The following TMPRSS7 variants were observed in gnomAD, a reference collection of about 807,000 sequenced individuals.
The protein encoded by TMPRSS7 is transmembrane serine protease 7, also known as transmembrane protease serine 7.
A neutral mutation model predicts 95.6 loss-of-function variants in TMPRSS7; 81 were observed. The ratio of observed to expected loss-of-function variants is 0.85; its 90% CI spans 0.71 to 1.02. TMPRSS7 has a LOEUF of 1.02. Among genes scored for constraint, TMPRSS7 ranks in the 50% least tolerant of loss-of-function variants. TMPRSS7 has a pLI of 0.00. For synonymous variants in TMPRSS7, 364 were observed against 337.8 expected (o/e 1.08, Z -0.85); for missense variants, 945 against 955.2 (o/e 0.99, Z 0.14).
chr3:112,051,692 T>TATC (rs1553763388), intron 9 of TMPRSS7, among the ~76,000 whole-genome samples: 1 of 151,790 alleles, frequency 6.6e-6, no homozygotes, highest in Admixed American at 6.6e-5. Flanking sequence ...TCTATCTATC[T>TATC]ATCTCTATTA....
At position 112,076,977 on chromosome 3, in the gene TMPRSS7, A is replaced by AC; in HGVS notation, c.2057_2058insC (p.Asn687Ter). 6.2e-7 allele frequency: 1 copy of AC among 1,614,186 alleles called. No homozygotes were observed. Among genetic ancestry groups the AC allele is most frequent in the Non-Finnish European group, 8.5e-7 (1 of 1,180,030 alleles). On this transcript the variant is annotated frameshift_variant, in exon 16 of 18. Transcript: ENST00000452346. LOFTEE classifies it high-confidence loss of function. ...AGAAGAATTGTGGTCCACGAGTACT[A>AC]TAACAGTCAGACTTTTGATTATGAT...
At chr3:112,081,032 G>C in exon 18 of TMPRSS7, 1 of 1,613,454 alleles carries the variant, frequency 6.2e-7, no homozygotes, top group South Asian at 1.1e-5. Flanking sequence ...GTTTACACAA[G>C]GGTGTCAAAC....
At chr3:112,071,042 G>A (rs1006566793) in intron 13 of TMPRSS7, among the ~76,000 whole-genome samples, 16 of 152,242 alleles carry the variant, frequency 1.1e-4, no homozygotes, top group East Asian at 7.7e-4. Flanking sequence ...TCATAGCATC[G>A]ATGACCTTTA....
intron 9 of TMPRSS7, among the ~76,000 whole-genome samples, chr3:112,055,823 C>T (rs747442632): frequency 7.9e-5 from 12 of 152,130 alleles, no homozygotes; most frequent in African/African-American, 1.9e-4. Flanking sequence ...GATGTGATTA[C>T]GTCAATTGTT....
chr3:112,068,834 C>G (rs61440289), intron 13 of TMPRSS7, among the ~76,000 whole-genome samples: 2 of 152,132 alleles, frequency 1.3e-5, no homozygotes, highest in African/African-American at 4.8e-5. Context: ...TGCCTGATTG[C>G]CCTGGCCAGA....
chr3:112,057,566 G>A (rs1178920380), intron 10 of TMPRSS7, among the ~76,000 whole-genome samples: 5 of 152,050 alleles, frequency 3.3e-5, no homozygotes, highest in Non-Finnish European at 7.4e-5. Context: ...GAAATCTAGG[G>A]GCTTAGGGCT....
At chr3:112,060,896 G>C (rs2073495647) in intron 10 of TMPRSS7, among the ~76,000 whole-genome samples, 1 of 152,160 alleles carries the variant, frequency 6.6e-6, no homozygotes, top group South Asian at 2.1e-4. Flanking sequence ...GTAAAGACAG[G>C]CATAAGAAAT....
chr3:112,068,839 G>C (rs946394227), intron 13 of TMPRSS7, among the ~76,000 whole-genome samples: 1 of 152,134 alleles, frequency 6.6e-6, no homozygotes, highest in African/African-American at 2.4e-5. Context: ...GATTGCCCTG[G>C]CCAGAACTTC....
intron 6 of TMPRSS7, 111 bp from the exon 7 acceptor site, chr3:112,047,628 T>C (rs562828591): frequency 1.9e-4 from 152 of 811,026 alleles, no homozygotes; most frequent in Non-Finnish European, 3.9e-5. Context: ...GCTGGCCATA[T>C]GTCCTTCACA....
chr3:112,079,790 A>G (rs1020057279), intron 17 of TMPRSS7, among the ~76,000 whole-genome samples: 2 of 152,222 alleles, frequency 1.3e-5, no homozygotes, highest in Middle Eastern at 3.2e-3. Context: ...GGTTCTTTAC[A>G]TAAATTCATT....
exon 7 of TMPRSS7, chr3:112,047,782 C>T (rs766760310): frequency 2.5e-6 from 4 of 1,614,048 alleles, no homozygotes; most frequent in Admixed American, 3.3e-5. Flanking sequence ...ATCTGTCTCT[C>T]CACTACCCGC....
At chr3:112,054,176 C>T (rs2073401601) in intron 9 of TMPRSS7, among the ~76,000 whole-genome samples, 1 of 152,180 alleles carries the variant, frequency 6.6e-6, no homozygotes, top group South Asian at 2.1e-4. Context: ...GTTGTGTACA[C>T]ACCACCACTG....
intron 10 of TMPRSS7, among the ~76,000 whole-genome samples, chr3:112,060,081 C>T (rs965108227): frequency 5.9e-5 from 9 of 152,152 alleles, no homozygotes; most frequent in Non-Finnish European, 8.8e-5. Context: ...TGGTAGATTC[C>T]GTGATGCCCC....
At chr3:112,067,730 GC>G (rs2073594218) in intron 13 of TMPRSS7, among the ~76,000 whole-genome samples, 1 of 152,152 alleles carries the variant, frequency 6.6e-6, no homozygotes, top group South Asian at 2.1e-4. Context: ...CTGGAGATTA[GC>G]CCTTTGTGAA....
At chr3:112,071,021 A>G (rs1053982889) in intron 13 of TMPRSS7, among the ~76,000 whole-genome samples, 13 of 152,160 alleles carry the variant, frequency 8.5e-5, no homozygotes, top group Admixed American at 3.3e-4. Context: ...CCGTTAGTTG[A>G]TGCAATTTCT....
chr3:112,051,270 A>C (rs1048693734), intron 9 of TMPRSS7, among the ~76,000 whole-genome samples: 2 of 152,114 alleles, frequency 1.3e-5, no homozygotes, highest in Non-Finnish European at 2.9e-5. Flanking sequence ...AAACAATACA[A>C]TATAACAACT....
At chr3:112,070,864 G>A (rs958985828) in intron 13 of TMPRSS7, among the ~76,000 whole-genome samples, 1 of 152,204 alleles carries the variant, frequency 6.6e-6, no homozygotes, top group African/African-American at 2.4e-5. Context: ...TGCCATGTTG[G>A]TGTGCTGCAC....
intron 9 of TMPRSS7, among the ~76,000 whole-genome samples, chr3:112,052,642 G>A (rs1266280907): frequency 1.3e-5 from 2 of 152,080 alleles, no homozygotes; most frequent in African/African-American, 4.8e-5. Context: ...AAAGGGTTAG[G>A]GAAGGAAGAG....
exon 5 of TMPRSS7, chr3:112,045,923 T>C (rs2073273533): frequency 1.3e-6 from 2 of 1,551,498 alleles, no homozygotes. Flanking sequence ...GCTGTGGACA[T>C]GGACTCTGTG....
Sources: allele counts gnomAD v4.1 joint callset (sites outside exome capture counted in the v4.1 genomes callset), GRCh38; gene constraint gnomAD v4.1.1; transcripts MANE v1.5; gene names NCBI Gene and HGNC (gene_info 2026-07-23, HGNC 2026-07-21).